PRH1: variants seen among roughly 807,000 people sequenced by gnomAD.
The protein encoded by PRH1 is salivary acidic proline-rich phosphoprotein 1/2.
A neutral mutation model predicts 7.9 loss-of-function variants in PRH1; 7 were observed. The observed-to-expected ratio is 0.89, with a 90% confidence interval of 0.50 to 1.67. The LOEUF is 1.67. PRH1 is among the 40% of genes most tolerant of loss of function. The probability of loss-of-function intolerance (pLI) is 0.00; values close to 1 mark genes in which losing one functional copy is unlikely to be tolerated. For synonymous variants in PRH1, 45 were observed against 80.8 expected, an observed-to-expected ratio of 0.56 and a Z score of 2.38; for missense variants, 109 against 223.6, an observed-to-expected ratio of 0.49 and a Z score of 3.27.
chr12:11,043,811 A>C (rs994463748), intron 1 of PRH1, among the ~76,000 whole-genome samples: 1 of 152,172 alleles, frequency 6.6e-6, no homozygotes, highest in Non-Finnish European at 1.5e-5. Context: ...ACAAAAGAAA[A>C]GATGGTCCAT....
intron 2 of PRH1, among the ~76,000 whole-genome samples, chr12:10,940,507 A>G (rs1237508847): frequency 1.3e-5 from 2 of 152,222 alleles, no homozygotes; most frequent in Non-Finnish European, 2.9e-5. Context: ...GAGTTCATCC[A>G]CATGGCAAGA....
At chr12:11,031,596 T>C (rs1942221909) in intron 1 of PRH1, among the ~76,000 whole-genome samples, 1 of 152,008 alleles carries the variant, frequency 6.6e-6, no homozygotes, top group East Asian at 1.9e-4. Context: ...GAGCTTTTAT[T>C]CCCTTATTTG....
intron 2 of PRH1, chr12:10,973,641 T>C (rs764283731): frequency 1.3e-6 from 1 of 777,144 alleles, no homozygotes; most frequent in Non-Finnish European, 2.4e-6. Context: ...TGTTACTTGA[T>C]ATGTAGAAGT....
intron 2 of PRH1, among the ~76,000 whole-genome samples, chr12:10,958,382 C>T (rs528624663): frequency 4.6e-5 from 7 of 152,066 alleles, no homozygotes; most frequent in African/African-American, 7.2e-5. Context: ...AAGAAGGGAA[C>T]GACAGACACC....
At chr12:11,077,900 TG>T (rs1200978189) in intron 1 of PRH1, 3 of 990,632 alleles carry the variant, frequency 3.0e-6, no homozygotes, top group African/African-American at 1.5e-5. Context: ...AAAATAAGGT[TG>T]GAGAAATTGG....
intron 2 of PRH1, among the ~76,000 whole-genome samples, chr12:10,956,068 G>A (rs941115065): frequency 7.2e-5 from 11 of 152,044 alleles, no homozygotes; most frequent in South Asian, 4.1e-4. Flanking sequence ...GAAACTCCAC[G>A]CTAACTCATT....
intron 1 of PRH1, among the ~76,000 whole-genome samples, chr12:11,025,771 T>C (rs1941880377): frequency 6.6e-6 from 1 of 152,266 alleles, no homozygotes; most frequent in South Asian, 2.1e-4. Flanking sequence ...AATTCACTTA[T>C]TCTCTCTTGT....
At chr12:10,883,190 C>G in intron 1 of PRH1, 94 bp from the exon 2 acceptor site, 4 of 1,364,360 alleles carry the variant, frequency 2.9e-6, no homozygotes, top group Non-Finnish European at 4.2e-6. Context: ...CTGATCACAC[C>G]CTGTGCATCC....
intron 2 of PRH1, chr12:10,895,483 A>T (rs914021095): frequency 6.6e-6 from 1 of 152,200 alleles, no homozygotes; most frequent in Non-Finnish European, 1.5e-5. Context: ...CCTCTAGTAC[A>T]ATAAAGAGAA....
At chr12:11,036,701 A>T in intron 1 of PRH1, among the ~76,000 whole-genome samples, 1 of 152,230 alleles carries the variant, frequency 6.6e-6, no homozygotes, top group Non-Finnish European at 1.5e-5. Context: ...AATGTATTGG[A>T]GCTTGACTTG....
intron 1 of PRH1, among the ~76,000 whole-genome samples, chr12:11,141,436 A>G (rs2136394799): frequency 6.6e-6 from 1 of 152,314 alleles, no homozygotes; most frequent in Admixed American, 6.5e-5. Flanking sequence ...AGTAGATGTT[A>G]AAATCAGTCT....
downstream of PRH1, among the ~76,000 whole-genome samples, chr12:11,117,212 T>C (rs1301016568): frequency 6.6e-6 from 1 of 152,132 alleles, no homozygotes. Flanking sequence ...ACAAACTCAG[T>C]AAATTTGCAG....
intron 1 of PRH1, among the ~76,000 whole-genome samples, chr12:11,152,069 TTTTC>T (rs1470048099): frequency 6.6e-6 from 1 of 152,076 alleles, no homozygotes; most frequent in East Asian, 1.9e-4. Context: ...TCTTTTTCCA[TTTTC>T]TTTCTTCTTT....
intron 1 of PRH1, among the ~76,000 whole-genome samples, chr12:11,013,143 A>G (rs942954648): frequency 6.6e-6 from 1 of 152,168 alleles, no homozygotes; most frequent in African/African-American, 2.4e-5. Flanking sequence ...TGACCAGATC[A>G]CCAAAATAAA....
chr12:11,062,059 T>G, intron 1 of PRH1: 1 of 1,613,724 alleles, frequency 6.2e-7, no homozygotes, highest in Non-Finnish European at 8.5e-7. Context: ...AATTCTTACT[T>G]CTATACTGTT....
intron 1 of PRH1, among the ~76,000 whole-genome samples, chr12:10,994,834 A>G (rs1000712573): frequency 2.0e-5 from 3 of 152,220 alleles, no homozygotes; most frequent in Admixed American, 2.0e-4. Flanking sequence ...TTATATAATA[A>G]CCAGCTAGAA....
intron 2 of PRH1, among the ~76,000 whole-genome samples, chr12:10,963,599 G>A (rs981653810): frequency 2.0e-5 from 3 of 152,098 alleles, no homozygotes; most frequent in African/African-American, 7.2e-5. Context: ...TTCAAAAAAG[G>A]TTTTCTTTAC....
At chr12:11,017,505 G>C (rs1247803725) in intron 1 of PRH1, among the ~76,000 whole-genome samples, 1 of 151,476 alleles carries the variant, frequency 6.6e-6, no homozygotes, top group African/African-American at 2.4e-5. Context: ...TTATATTTGA[G>C]ATAGAGTCTC....
At chr12:11,168,264 GA>G (rs1555178275) in intron 1 of PRH1, among the ~76,000 whole-genome samples, 16 of 34,172 alleles carry the variant, frequency 4.7e-4, no homozygotes, top group African/African-American at 1.2e-3. Flanking sequence ...AAGAAAGAAA[GA>G]AAGAAAGAAA....
Sources: gnomAD v4.1 joint callset for allele counts (sites outside exome capture counted in the v4.1 genomes callset) on GRCh38, gnomAD v4.1.1 for gene constraint, MANE v1.5 for transcripts, NCBI Gene and HGNC (gene_info 2026-07-23, HGNC 2026-07-21) for gene names.